The following COL25A1 variants were observed in gnomAD, a reference collection of about 807,000 sequenced individuals.
The protein encoded by COL25A1 is collagen alpha-1(XXV) chain.
A neutral mutation model predicts 128.4 loss-of-function variants in COL25A1; 103 were observed. That is an observed-to-expected ratio of 0.80 (90% CI 0.68 to 0.94). The LOEUF (loss-of-function observed/expected upper bound fraction) is 0.94. Ranked by LOEUF, COL25A1 falls within the 40% of genes least tolerant of loss-of-function variation. The probability of loss-of-function intolerance (pLI) is 0.00; values close to 1 mark genes in which losing one functional copy is unlikely to be tolerated. For synonymous variants in COL25A1, 279 were observed against 277.2 expected, an observed-to-expected ratio of 1.01 and a Z score of -0.06; for missense variants, 745 against 840.0, an observed-to-expected ratio of 0.89 and a Z score of 1.40.
At chr4:108,871,559 G>A (rs1738714021) in intron 19 of COL25A1, among the ~76,000 whole-genome samples, 1 of 152,044 alleles carries the variant, frequency 6.6e-6, no homozygotes, top group Admixed American at 6.6e-5. Flanking sequence ...CTCGTGATCC[G>A]CCCGTCTCGG....
rs1437334560 is a variant in COL25A1 at position 108,810,859 on chromosome 4, CAG to C, written c.*3066_*3067del. 5 of 152,002 alleles carry C rather than the reference CAG, an allele frequency of 3.3e-5. No homozygotes were observed. The highest frequency in any genetic ancestry group is 1.2e-4 in the African/African-American group (5 of 41,516). The allele number at this position is 152,002 out of a possible 1,614,324, so 9.4% of individuals were successfully genotyped here. A position where few individuals can be genotyped will look rare whatever the true frequency, so the allele number is the denominator to read the frequency against. ...CTAATGATTTAGGAATGCTATTAAA[CAG>C]GGAAATAAAATTATCCATAGTAGTT... On this transcript the variant is annotated 3_prime_UTR_variant, in exon 38 of 38. Transcript: ENST00000399132.
intron 6 of COL25A1, among the ~76,000 whole-genome samples, chr4:108,989,274 G>C (rs1461431663): frequency 1.3e-5 from 2 of 152,244 alleles, no homozygotes; most frequent in African/African-American, 4.8e-5. Flanking sequence ...GCTGCTTTGT[G>C]CAGTGCACAG....
At position 108,817,426 on chromosome 4, in the gene COL25A1, C is replaced by A. The variant is rs1264738532; in HGVS notation, c.1933G>T (p.Gly645Cys). 6.2e-7 allele frequency: 1 copy of A among 1,613,056 alleles called. No homozygotes were observed. Among genetic ancestry groups the A allele is most frequent in the African/African-American group, 1.3e-5 (1 of 74,862 alleles). The change falls in exon 37 of 38, where the codon GGC becomes TGC. Residue 645 changes from glycine (G) to cysteine (C), a missense_variant. Gly to Cys is a radical substitution (Grantham distance 159, BLOSUM62 -3). Around this residue, in one of 3 missense-constraint regions of COL25A1, gnomAD observed 387 missense variants for 441.9 expected, o/e 0.88. Transcript: ENST00000399132. ...LDAPCQLGPDGLPMPGCWQK is the reference protein window; with the variant it reads ...LDAPCQLGPDCLPMPGCWQK ...TGCCAACAGCCAGGCATGGGTAAGC[C>A]ATCTGGCCCCTGTTTTAAAGAGAAG...
chr4:109,186,224 G>A, intron 3 of COL25A1, among the ~76,000 whole-genome samples: 1 of 152,238 alleles, frequency 6.6e-6, no homozygotes, highest in South Asian at 2.1e-4. Flanking sequence ...ATTCTTGGTC[G>A]ACTCTCTTCT....
At chr4:109,086,586 T>G (rs1053387544) in intron 3 of COL25A1, among the ~76,000 whole-genome samples, 1 of 152,244 alleles carries the variant, frequency 6.6e-6, no homozygotes, top group African/African-American at 2.4e-5. Context: ...GTCTATTCTC[T>G]AATCAGCCTT....
intron 3 of COL25A1, among the ~76,000 whole-genome samples, chr4:109,211,815 C>T (rs566968951): frequency 6.6e-6 from 1 of 152,174 alleles, no homozygotes; most frequent in African/African-American, 2.4e-5. Context: ...GAGCTTCCAC[C>T]TGCTATGGTC....
chr4:109,193,701 G>C (rs2126166666), intron 3 of COL25A1, among the ~76,000 whole-genome samples: 1 of 152,254 alleles, frequency 6.6e-6, no homozygotes, highest in South Asian at 2.1e-4. Flanking sequence ...TGCCTTTGTG[G>C]TGACAGGATG....
intron 20 of COL25A1, among the ~76,000 whole-genome samples, chr4:108,863,855 G>A (rs1204930541): frequency 2.6e-5 from 4 of 152,138 alleles, no homozygotes; most frequent in Admixed American, 2.6e-4. Context: ...TTTGGGACTT[G>A]TACCAGTGCC....
intron 19 of COL25A1, 27 bp downstream of exon 19, chr4:108,884,151 A>G (rs1340960369): frequency 2.5e-6 from 4 of 1,611,226 alleles, no homozygotes. Context: ...AGTTCTGTGA[A>G]GCCGAGACTG....
At chr4:109,061,038 T>C (rs1761920650) in intron 3 of COL25A1, among the ~76,000 whole-genome samples, 1 of 152,198 alleles carries the variant, frequency 6.6e-6, no homozygotes, top group Non-Finnish European at 1.5e-5. Context: ...TAAGCTTTCA[T>C]GCTACATAAG....
At chr4:109,059,931 A>C (rs1761808764) in intron 3 of COL25A1, among the ~76,000 whole-genome samples, 1 of 152,218 alleles carries the variant, frequency 6.6e-6, no homozygotes, top group Non-Finnish European at 1.5e-5. Flanking sequence ...TAAAAACAAA[A>C]CAAAACAAAA....
intron 3 of COL25A1, among the ~76,000 whole-genome samples, chr4:109,132,876 G>T (rs553571584): frequency 6.6e-6 from 1 of 152,000 alleles, no homozygotes; most frequent in Non-Finnish European, 1.5e-5. Context: ...ATACTGAATG[G>T]CAGTATTAGA....
chr4:109,042,809 C>T (rs1760048334), intron 5 of COL25A1, among the ~76,000 whole-genome samples: 1 of 152,030 alleles, frequency 6.6e-6, no homozygotes, highest in Non-Finnish European at 1.5e-5. Flanking sequence ...TGATTTGCTT[C>T]TGTTAAATGA....
chr4:108,910,489 A>T (rs1744077262), intron 13 of COL25A1, among the ~76,000 whole-genome samples: 2 of 152,242 alleles, frequency 1.3e-5, no homozygotes, highest in African/African-American at 4.8e-5. Flanking sequence ...AGAGGTAAAC[A>T]TTATAATCCC....
intron 16 of COL25A1, among the ~76,000 whole-genome samples, chr4:108,894,797 T>C (rs191809046): frequency 1.6e-3 from 246 of 152,346 alleles, no homozygotes; most frequent in African/African-American, 5.4e-3. Flanking sequence ...GGGTATATCA[T>C]TGGTCTCATT....
At chr4:108,856,613 A>G (rs1258384419) in intron 24 of COL25A1, among the ~76,000 whole-genome samples, 2 of 152,168 alleles carry the variant, frequency 1.3e-5, no homozygotes, top group Non-Finnish European at 2.9e-5. Context: ...AAAGATAACT[A>G]TAAGCTATTT....
At chr4:109,197,495 AATAT>A (rs1170345213) in intron 3 of COL25A1, among the ~76,000 whole-genome samples, 3 of 126,928 alleles carry the variant, frequency 2.4e-5, no homozygotes, top group African/African-American at 8.8e-5. Context: ...ATTATATATA[AATAT>A]ATATTATATA....
chr4:109,026,897 AAAGT>A (rs1758352913), intron 5 of COL25A1, among the ~76,000 whole-genome samples: 1 of 152,258 alleles, frequency 6.6e-6, no homozygotes, highest in Non-Finnish European at 1.5e-5. Flanking sequence ...GAGAAGAAAG[AAAGT>A]GAGAATAAAT....
At chr4:109,117,639 C>T (rs1328397810) in intron 3 of COL25A1, among the ~76,000 whole-genome samples, 1 of 151,862 alleles carries the variant, frequency 6.6e-6, no homozygotes, top group Non-Finnish European at 1.5e-5. Context: ...CTAACAAATG[C>T]TACTTTATTC....
Sources: gnomAD v4.1 joint callset for allele counts (sites outside exome capture counted in the v4.1 genomes callset) on GRCh38, gnomAD v4.1.1 for gene constraint, gnomAD v4.1.1 regional missense constraint, MANE v1.5 for transcripts, NCBI Gene and HGNC (gene_info 2026-07-23, HGNC 2026-07-21) for gene names.